TAFA2: variants seen among roughly 807,000 people sequenced by gnomAD.
The protein encoded by TAFA2 is TAFA chemokine like family member 2.
TAFA2 carries 7 observed loss-of-function variants against 18.8 expected under a neutral mutation model. The ratio of observed to expected loss-of-function variants is 0.37; its 90% CI spans 0.21 to 0.70. The LOEUF is 0.70. TAFA2 is among the 30% of genes least tolerant of loss of function. The probability of loss-of-function intolerance (pLI) is 0.53; values close to 1 mark genes in which losing one functional copy is unlikely to be tolerated. For missense variants in TAFA2, 122 were observed against 158.1 expected (o/e 0.77, Z 1.23); for synonymous variants, 60 against 54.2 (o/e 1.11, Z -0.47).
Position 61,710,134 on chromosome 12 carries a change from C to A in TAFA2, c.*272G>T. ...TCACCCTGAAAAAAACAACTCTTCA[C>A]CAGCTCCTCAGACAGTGACTTCAAA... On this transcript the variant is annotated 3_prime_UTR_variant, in exon 5 of 5. Transcript: ENST00000416284. 2.3e-6 allele frequency: 1 copy of A among 431,370 alleles called. No homozygotes were observed. Among genetic ancestry groups the A allele is most frequent in the Non-Finnish European group, 4.2e-6 (1 of 240,884 alleles). The allele number at this position is 431,370 out of a possible 1,614,324, so 26.7% of individuals were successfully genotyped here.
At chr12:61,998,150 C>A (rs1370576891) in intron 1 of TAFA2, among the ~76,000 whole-genome samples, 1 of 151,966 alleles carries the variant, frequency 6.6e-6, no homozygotes, top group Non-Finnish European at 1.5e-5. Flanking sequence ...TAAGTCAGAG[C>A]AAGTAAAAGG....
At chr12:61,751,176 A>G (rs1351007923) in intron 4 of TAFA2, among the ~76,000 whole-genome samples, 2 of 152,088 alleles carry the variant, frequency 1.3e-5, no homozygotes, top group Non-Finnish European at 2.9e-5. Flanking sequence ...AATTTTTCTT[A>G]TCGCCTCCAA....
Position 62,150,838 on chromosome 12 carries a change from G to A in TAFA2, c.-2+40421C>T, listed in dbSNP as rs111377600. Reference sequence around the variant, plus strand: ...CAAGAATCACTTGAACCCAGGAGACGGAGGTTGTGCTACTGCACTTCAGCC... The same window carrying A: ...CAAGAATCACTTGAACCCAGGAGACAGAGGTTGTGCTACTGCACTTCAGCC... On this transcript the variant is annotated intron_variant, in intron 1 of 4. Transcript: ENST00000416284. Among the ~76,000 whole-genome samples, 678 of 151,900 alleles carry A rather than the reference G, an allele frequency of 4.5e-3. 6 individuals carry two copies. The highest frequency in any genetic ancestry group is 0.015 in the African/African-American group (627 of 41,424).
At chr12:61,965,474 A>G (rs1879036896) in intron 1 of TAFA2, among the ~76,000 whole-genome samples, 2 of 151,942 alleles carry the variant, frequency 1.3e-5, no homozygotes, top group South Asian at 4.1e-4. Flanking sequence ...GGGAAATATC[A>G]TACTTAAGAA....
Position 61,740,549 on chromosome 12 carries a change from G to C in TAFA2, c.384+13073C>G, listed in dbSNP as rs760250087. ...CTCAGAAGGATGGGAAGGTGGGAGG[G>C]GAGTGAAGGATGAAAAGTGGCTTAA... On this transcript the variant is annotated intron_variant, in intron 4 of 4. Transcript: ENST00000416284. Among the ~76,000 whole-genome samples the C allele has an allele frequency of 2.0e-5, 3 of 151,780 alleles. No homozygotes were observed. In the East Asian group the frequency reaches 5.8e-4, roughly 29 times the overall value.
intron 1 of TAFA2, among the ~76,000 whole-genome samples, chr12:62,009,031 C>T (rs1880645861): frequency 6.6e-6 from 1 of 152,108 alleles, no homozygotes; most frequent in African/African-American, 2.4e-5. Flanking sequence ...TGTAAATGTA[C>T]ACACATTACA....
intron 1 of TAFA2, among the ~76,000 whole-genome samples, chr12:62,128,768 C>T (rs532917090): frequency 3.3e-4 from 50 of 152,150 alleles, no homozygotes; most frequent in Non-Finnish European, 5.6e-4. Flanking sequence ...CATAAAGCCA[C>T]TTCCTGATGA....
intron 1 of TAFA2, among the ~76,000 whole-genome samples, chr12:62,165,201 C>T (rs995809535): frequency 6.6e-6 from 1 of 152,080 alleles, no homozygotes; most frequent in African/African-American, 2.4e-5. Flanking sequence ...TCCCAGCCCT[C>T]TCTTCTTTTA....
chr12:61,954,976 C>G (rs1184911995), intron 1 of TAFA2, among the ~76,000 whole-genome samples: 2 of 152,008 alleles, frequency 1.3e-5, no homozygotes, highest in African/African-American at 4.8e-5. Flanking sequence ...AGAAGCTTAC[C>G]AGGTACTAAG....
chr12:62,211,023 A>G (rs1194391684), intron 1 of TAFA2, among the ~76,000 whole-genome samples: 1 of 152,172 alleles, frequency 6.6e-6, no homozygotes, highest in Non-Finnish European at 1.5e-5. Flanking sequence ...AGTTCTACCA[A>G]GCTGTAGTGA....
chr12:61,724,780 T>TATACACCAGATGG (rs1454518883), intron 4 of TAFA2, among the ~76,000 whole-genome samples: 7 of 100,898 alleles, frequency 6.9e-5, no homozygotes, highest in African/African-American at 3.0e-4. Flanking sequence ...TGTGTGTGTG[T>TATACACCAGATGG]GTGTGTGTGT....
chr12:62,117,676 A>G (rs183475754), intron 1 of TAFA2, among the ~76,000 whole-genome samples: 60 of 152,238 alleles, frequency 3.9e-4, no homozygotes, highest in African/African-American at 1.4e-3. Flanking sequence ...AATGAGTCCT[A>G]TGTTTCCTTT....
chr12:62,142,322 G>A (rs189746077), intron 1 of TAFA2, among the ~76,000 whole-genome samples: 7 of 152,294 alleles, frequency 4.6e-5, no homozygotes, highest in Non-Finnish European at 1.0e-4. Flanking sequence ...CATAAGAATT[G>A]AATAGGATGA....
intron 1 of TAFA2, among the ~76,000 whole-genome samples, chr12:62,077,170 T>C (rs17125863): frequency 0.019 from 2,858 of 152,314 alleles, 97 homozygotes; most frequent in African/African-American, 0.065. Flanking sequence ...GTTGGCTGAC[T>C]TGATTAAGTC....
chr12:61,850,304 A>AT lies in TAFA2; in HGVS notation c.106+17015dup, dbSNP rs576906342. On this transcript the variant is annotated intron_variant, in intron 2 of 4. Transcript: ENST00000416284. ...CTACTCTAAGTTAAATAATTCAATA[A>AT]TTTTTTTTACTTCCTTTAAGGGGAT... is the stretch of plus-strand genomic sequence containing the variant. Among the ~76,000 whole-genome samples, 19 of 151,870 alleles carry AT rather than the reference A, an allele frequency of 1.3e-4. No homozygotes were observed. The East Asian group carries it at 2.7e-3, about 22-fold the overall frequency.
intron 4 of TAFA2, 150 bp from the exon 5 acceptor site, chr12:61,710,567 G>A (rs1869351504): frequency 1.6e-6 from 1 of 615,152 alleles, no homozygotes; most frequent in East Asian, 2.7e-5. Flanking sequence ...ACAGATGCAG[G>A]TATTTCCATC....
chr12:61,863,460 C>T (rs1253054248), intron 2 of TAFA2, among the ~76,000 whole-genome samples: 2 of 152,176 alleles, frequency 1.3e-5, no homozygotes, highest in East Asian at 3.9e-4. Flanking sequence ...AAGCCTCCTA[C>T]ATGAGTAGAA....
chr12:62,164,691 G>A (rs1236663770), intron 1 of TAFA2, among the ~76,000 whole-genome samples: 1 of 152,064 alleles, frequency 6.6e-6, no homozygotes, highest in Non-Finnish European at 1.5e-5. Flanking sequence ...AACCAAAGTG[G>A]AAACATTTTC....
chr12:62,225,642 G>GA (rs970042249), intron 1 of TAFA2, among the ~76,000 whole-genome samples: 6 of 150,882 alleles, frequency 4.0e-5, no homozygotes, highest in Admixed American at 2.0e-4. Context: ...CAATATTAAA[G>GA]AAAAAAAATG....
Sources: gnomAD v4.1 joint callset for allele counts (sites outside exome capture counted in the v4.1 genomes callset) on GRCh38, gnomAD v4.1.1 for gene constraint, MANE v1.5 for transcripts, NCBI Gene and HGNC (gene_info 2026-07-23, HGNC 2026-07-21) for gene names.